ATP8A1: variants seen among roughly 807,000 people sequenced by gnomAD.
ATP8A1 encodes the protein ATPase phospholipid transporting 8A1.
Under a neutral mutation model 177.7 loss-of-function variants are expected in ATP8A1, and 90 were observed. The observed-to-expected ratio is 0.51, with a 90% CI of 0.43 to 0.60. The LOEUF (loss-of-function observed/expected upper bound fraction) is 0.60. Ranked by LOEUF, ATP8A1 falls within the 20% of genes least tolerant of loss-of-function variation. The probability of loss-of-function intolerance (pLI) is 0.00; values close to 1 mark genes in which losing one functional copy is unlikely to be tolerated. For missense variants in ATP8A1, 1,072 were observed against 1,392.8 expected, an observed-to-expected ratio of 0.77 and a Z score of 3.67; for synonymous variants, 493 against 485.9, an observed-to-expected ratio of 1.01 and a Z score of -0.19.
chr4:42,505,184 T>C (rs6811806), intron 23 of ATP8A1, among the ~76,000 whole-genome samples: 22,104 of 152,264 alleles, frequency 0.15, 1,832 homozygotes, highest in East Asian at 0.26. Flanking sequence ...TTTTGGGTTC[T>C]TTCGTTCCCT....
intron 20 of ATP8A1, among the ~76,000 whole-genome samples, chr4:42,538,109 A>C (rs1300619316): frequency 6.6e-6 from 1 of 152,176 alleles, no homozygotes; most frequent in East Asian, 1.9e-4. Context: ...CCAGTAATAA[A>C]GTCAAATACT....
chr4:42,517,090 A>AT (rs1481496864), intron 22 of ATP8A1, among the ~76,000 whole-genome samples: 1,526 of 152,260 alleles, frequency 0.01, 24 homozygotes, highest in African/African-American at 0.035. Context: ...TCACGAGGTC[A>AT]GGAGATCGAG....
Position 42,500,634 on chromosome 4 carries a change from C to CTGG in ATP8A1, c.2151+2813_2151+2815dup, listed in dbSNP as rs145819375. Reference sequence around the variant, plus strand: ...CTGATCCTGGCAATTTTACAAGAGCCTGGTGGGTAACTGGGTGAGAACACC... The same window carrying CTGG: ...CTGATCCTGGCAATTTTACAAGAGCCTGGTGGTGGGTAACTGGGTGAGAACACC... On this transcript the variant is annotated intron_variant, in intron 24 of 36. Coordinates refer to ENST00000381668, the MANE Select transcript of ATP8A1 (RefSeq NM_006095.2). Among the ~76,000 whole-genome samples the CTGG allele has an allele frequency of 7.9e-3, 1,201 of 151,964 alleles. 16 individuals are homozygous for CTGG. Among genetic ancestry groups the CTGG allele is most frequent in the African/African-American group, 0.027 (1,129 of 41,424 alleles).
chr4:42,609,186 C>A (rs975720610), intron 5 of ATP8A1, among the ~76,000 whole-genome samples: 1 of 152,218 alleles, frequency 6.6e-6, no homozygotes, highest in South Asian at 2.1e-4. Flanking sequence ...AAAAGCACGA[C>A]CCCCTCACCA....
At chr4:42,631,930 T>C (rs1247033239) in intron 1 of ATP8A1, among the ~76,000 whole-genome samples, 3 of 152,154 alleles carry the variant, frequency 2.0e-5, no homozygotes, top group Non-Finnish European at 1.5e-5. Context: ...ACAAAGTAAA[T>C]GATGATAGTA....
At chr4:42,616,143 A>C (rs1414982936) in intron 4 of ATP8A1, 65 bp from the exon 5 acceptor site, 4 of 1,345,948 alleles carry the variant, frequency 3.0e-6, no homozygotes, top group Non-Finnish European at 4.2e-6. Flanking sequence ...ACAAGAGAGC[A>C]CTCATACCAA....
At chr4:42,613,663 A>C (rs975637621) in intron 5 of ATP8A1, among the ~76,000 whole-genome samples, 4 of 151,968 alleles carry the variant, frequency 2.6e-5, no homozygotes, top group African/African-American at 9.7e-5. Flanking sequence ...GGCTCACTGC[A>C]ACCTCCGCCT....
intron 35 of ATP8A1, among the ~76,000 whole-genome samples, chr4:42,420,579 T>A (rs919472479): frequency 1.3e-5 from 2 of 152,180 alleles, no homozygotes; most frequent in African/African-American, 4.8e-5. Context: ...ACTGGCCTGA[T>A]TTATGAATTG....
chr4:42,461,517 G>T (rs184515975), intron 27 of ATP8A1, among the ~76,000 whole-genome samples: 1 of 152,258 alleles, frequency 6.6e-6, no homozygotes, highest in East Asian at 1.9e-4. Flanking sequence ...CATGTAAGAC[G>T]TGACTTGTTC....
intron 33 of ATP8A1, among the ~76,000 whole-genome samples, chr4:42,435,536 T>C (rs1360686315): frequency 6.6e-6 from 1 of 151,866 alleles, no homozygotes; most frequent in African/African-American, 2.4e-5. Context: ...TCATGAGTAT[T>C]TCTGGCCTGT....
chr4:42,563,109 GAA>G (rs1731008555), intron 15 of ATP8A1, among the ~76,000 whole-genome samples: 1 of 152,208 alleles, frequency 6.6e-6, no homozygotes, highest in Admixed American at 6.5e-5. Context: ...GAAAATGTGG[GAA>G]AGTTTGGAAC....
At chr4:42,483,500 C>T (rs1252201514) in intron 25 of ATP8A1, among the ~76,000 whole-genome samples, 1 of 152,054 alleles carries the variant, frequency 6.6e-6, no homozygotes, top group East Asian at 1.9e-4. Context: ...TCTTTATAAG[C>T]TCAGTTTCAG....
chr4:42,471,629 A>G (rs567531094), intron 25 of ATP8A1, among the ~76,000 whole-genome samples: 3 of 152,198 alleles, frequency 2.0e-5, no homozygotes, highest in Non-Finnish European at 2.9e-5. Context: ...AACTCCGCCT[A>G]GTATAGATAT....
intron 20 of ATP8A1, among the ~76,000 whole-genome samples, chr4:42,541,006 A>T (rs1194826016): frequency 6.6e-6 from 1 of 152,112 alleles, no homozygotes; most frequent in Non-Finnish European, 1.5e-5. Context: ...ATAAATGTGT[A>T]CAAGTAATAA....
chr4:42,468,106 G>C (rs1469310571), intron 25 of ATP8A1, among the ~76,000 whole-genome samples: 3 of 152,026 alleles, frequency 2.0e-5, no homozygotes, highest in Non-Finnish European at 2.9e-5. Context: ...CGGTGATCAG[G>C]GAACACTTCT....
chr4:42,596,624 G>A (rs1029998585), intron 6 of ATP8A1, among the ~76,000 whole-genome samples: 15 of 139,584 alleles, frequency 1.1e-4, no homozygotes, highest in East Asian at 4.2e-4. Context: ...CCGAGATTGC[G>A]CCACTGCATT....
intron 22 of ATP8A1, among the ~76,000 whole-genome samples, chr4:42,515,885 A>G (rs948293272): frequency 6.6e-6 from 1 of 152,252 alleles, no homozygotes; most frequent in African/African-American, 2.4e-5. Context: ...TTTATAAATG[A>G]ACGAATCTAA....
intron 33 of ATP8A1, among the ~76,000 whole-genome samples, chr4:42,430,683 T>C (rs1715186684): frequency 6.6e-6 from 1 of 152,198 alleles, no homozygotes; most frequent in Non-Finnish European, 1.5e-5. Context: ...TACGTGTCCA[T>C]GTGTTGTCAT....
chr4:42,477,627 GATAA>G (rs990423404), intron 25 of ATP8A1, among the ~76,000 whole-genome samples: 2 of 152,068 alleles, frequency 1.3e-5, no homozygotes, highest in Admixed American at 1.3e-4. Context: ...TATGAGAAGA[GATAA>G]ATAAAATGAT....
Sources: gnomAD v4.1 joint callset for allele counts (sites outside exome capture counted in the v4.1 genomes callset) on GRCh38, gnomAD v4.1.1 for gene constraint, MANE v1.5 for transcripts, NCBI Gene and HGNC (gene_info 2026-07-23, HGNC 2026-07-21) for gene names.